The following CD48 variants were observed in gnomAD, a reference collection of about 807,000 sequenced individuals.
The protein encoded by CD48 is CD48 molecule, also known as CD48 antigen.
CD48 carries 20 observed loss-of-function variants against 22.0 expected under a neutral mutation model. That is an observed-to-expected ratio of 0.91 (90% confidence interval 0.64 to 1.32). The LOEUF (loss-of-function observed/expected upper bound fraction) is 1.32. CD48 is among the 40% of genes most tolerant of loss of function. The pLI is 0.00. For synonymous variants in CD48, 110 were observed against 110.1 expected (o/e 1.00, Z 0.01); for missense variants, 307 against 286.5 (o/e 1.07, Z -0.52).
chr1:160,710,397 C>CGGGTTATATAACCT (rs1447173005), intron 1 of CD48, among the ~76,000 whole-genome samples: 3 of 152,094 alleles, frequency 2.0e-5, no homozygotes, highest in African/African-American at 4.8e-5. Flanking sequence ...GGTTATAGCC[C>CGGGTTATATAACCT]GGGTGTTATA....
intron 1 of CD48, among the ~76,000 whole-genome samples, chr1:160,709,835 C>T (rs968853440): frequency 6.6e-6 from 1 of 152,210 alleles, no homozygotes; most frequent in Non-Finnish European, 1.5e-5. Flanking sequence ...GTGCTAAGTT[C>T]AGCAGCACAA....
intron 1 of CD48, among the ~76,000 whole-genome samples, chr1:160,702,789 TGCAGGCAAC>T: frequency 6.6e-6 from 1 of 152,292 alleles, no homozygotes; most frequent in East Asian, 1.9e-4. Flanking sequence ...CTTTAATATA[TGCAGGCAAC>T]ACCTCGTGAT....
intron 1 of CD48, among the ~76,000 whole-genome samples, chr1:160,688,252 C>T (rs577519935): frequency 2.8e-4 from 42 of 152,222 alleles, no homozygotes; most frequent in African/African-American, 9.2e-4. Flanking sequence ...TGTAATTAGG[C>T]CCGTGATAAC....
At chr1:160,707,114 C>A (rs1662819046) in intron 1 of CD48, among the ~76,000 whole-genome samples, 1 of 152,056 alleles carries the variant, frequency 6.6e-6, no homozygotes, top group Non-Finnish European at 1.5e-5. Context: ...CAATAGCTAC[C>A]AAGACCTCAG....
At chr1:160,697,316 G>A (rs889200948) in intron 1 of CD48, among the ~76,000 whole-genome samples, 1 of 152,344 alleles carries the variant, frequency 6.6e-6, no homozygotes, top group African/African-American at 2.4e-5. Flanking sequence ...AAAGAAAAGC[G>A]CCTCCACGGA....
chr1:160,680,940 G>A (rs373252598), intron 3 of CD48: 26 of 1,432,040 alleles, frequency 1.8e-5, no homozygotes, highest in Admixed American at 8.6e-5. Flanking sequence ...TTGTTAGAGC[G>A]GGAGAGGGAA....
chr1:160,689,976 A>T (rs532449679), intron 1 of CD48, among the ~76,000 whole-genome samples: 4 of 152,314 alleles, frequency 2.6e-5, no homozygotes, highest in Non-Finnish European at 4.4e-5. Flanking sequence ...AGGAACATTT[A>T]AAAAATTTAA....
rs370076774 is a variant in CD48, at chr1:160,710,798, C to T, written c.82+884G>A. Reference sequence around the variant, plus strand: ...CTCCACACATTCTACCTCATCTCCCCAAAAGTTACAAACTATCATCATTTT... The same window carrying T: ...CTCCACACATTCTACCTCATCTCCCTAAAAGTTACAAACTATCATCATTTT... On this transcript the variant is annotated intron_variant, in intron 1 of 3. Coordinates refer to ENST00000368046, the MANE Select transcript of CD48 (RefSeq NM_001778.4). Among the ~76,000 whole-genome samples the T allele has an allele frequency of 1.1e-4, 17 of 152,290 alleles. No individual in the cohort carries two copies. The South Asian group carries it at 1.7e-3, about 15-fold the overall frequency.
chr1:160,702,213 C>T (rs1183551192), intron 1 of CD48, among the ~76,000 whole-genome samples: 1 of 152,040 alleles, frequency 6.6e-6, no homozygotes, highest in Non-Finnish European at 1.5e-5. Context: ...GCCAGTGACC[C>T]CCGTGGGGAC....
chr1:160,685,311 G>A, intron 1 of CD48, 122 bp from the exon 2 acceptor site: 2 of 722,094 alleles, frequency 2.8e-6, no homozygotes, highest in Non-Finnish European at 4.6e-6. Flanking sequence ...GGAGCAGTGA[G>A]TATGGTTTTC....
chr1:160,703,048 C>A (rs930987338), intron 1 of CD48, among the ~76,000 whole-genome samples: 42 of 152,116 alleles, frequency 2.8e-4, no homozygotes, highest in African/African-American at 9.2e-4. Context: ...CTCATACACA[C>A]CTTTGTTACT....
chr1:160,706,878 A>G (rs1374177195), intron 1 of CD48, among the ~76,000 whole-genome samples: 1 of 152,224 alleles, frequency 6.6e-6, no homozygotes. Flanking sequence ...TTTAAAGAGT[A>G]AGTTCCGGTT....
intron 1 of CD48, among the ~76,000 whole-genome samples, chr1:160,695,244 T>G (rs1208906032): frequency 0.012 from 1,608 of 138,168 alleles, no homozygotes; most frequent in Non-Finnish European, 0.019. Context: ...GTCAGACTTT[T>G]GTAGGTCGAG....
intron 1 of CD48, among the ~76,000 whole-genome samples, chr1:160,710,154 C>T (rs1662906823): frequency 1.3e-5 from 2 of 152,122 alleles, no homozygotes; most frequent in Non-Finnish European, 1.5e-5. Context: ...ACCAAGATTC[C>T]CTCGCCTTAG....
At chr1:160,686,395 C>T (rs115742925) in intron 1 of CD48, among the ~76,000 whole-genome samples, 55 of 152,148 alleles carry the variant, frequency 3.6e-4, no homozygotes, top group Admixed American at 1.2e-3. Flanking sequence ...TATTCCTATC[C>T]GGAGGGTAGG....
intron 3 of CD48, chr1:160,680,403 A>G (rs1661750615): frequency 5.1e-6 from 1 of 197,948 alleles, no homozygotes; most frequent in African/African-American, 2.4e-5. Context: ...GTCTTGTCTC[A>G]TTGAATCCTT....
At chr1:160,708,387 G>GA (rs1214424410) in intron 1 of CD48, among the ~76,000 whole-genome samples, 2 of 152,178 alleles carry the variant, frequency 1.3e-5, no homozygotes, top group Non-Finnish European at 2.9e-5. Flanking sequence ...AACCATTTTA[G>GA]AAAATGTATA....
rs1346594902 is a variant in CD48 at position 160,708,604 on chromosome 1, A to T, written c.82+3078T>A. Among the ~76,000 whole-genome samples, 5 of 152,196 alleles carry T rather than the reference A, an allele frequency of 3.3e-5. No individual in the cohort carries two copies. In the East Asian group the frequency reaches 9.6e-4, roughly 29 times the overall value. On this transcript the variant is annotated intron_variant, in intron 1 of 3. Transcript: ENST00000368046. ...ACTTACTCATTGGGCATGAGAAGCAAGGGAGAGAAAAGAAGCAAGGATGAC... is the reference window on the plus strand; with the variant it reads ...ACTTACTCATTGGGCATGAGAAGCATGGGAGAGAAAAGAAGCAAGGATGAC...
intron 1 of CD48, among the ~76,000 whole-genome samples, chr1:160,686,207 AC>A (rs990620944): frequency 6.6e-6 from 1 of 152,104 alleles, no homozygotes; most frequent in African/African-American, 2.4e-5. Flanking sequence ...TCTATGGCCC[AC>A]CTTGGGAAAG....
Sources: gnomAD v4.1 joint callset for allele counts (sites outside exome capture counted in the v4.1 genomes callset) on GRCh38, gnomAD v4.1.1 for gene constraint, MANE v1.5 for transcripts, NCBI Gene and HGNC (gene_info 2026-07-23, HGNC 2026-07-21) for gene names.